The following AZIN1 variants were observed in gnomAD, a reference collection of about 807,000 sequenced individuals.
AZIN1 encodes ornithine decarboxylase antizyme inhibitor.
A neutral mutation model predicts 47.4 loss-of-function variants in AZIN1; 12 were observed. The ratio of observed to expected loss-of-function variants is 0.25; its 90% CI spans 0.16 to 0.41. AZIN1 has a LOEUF of 0.41. Among genes scored for constraint, AZIN1 ranks in the 10% least tolerant of loss-of-function variants. The pLI, the probability that AZIN1 is intolerant of heterozygous loss-of-function variation, is 1.00. For synonymous variants in AZIN1, 155 were observed against 176.3 expected (o/e 0.88, Z 0.96); for missense variants, 410 against 532.4 (o/e 0.77, Z 2.26).
In AZIN1 at chr8:102,841,261, T is replaced by G. The variant is rs1812160405; in HGVS notation, c.103-1438A>C. On this transcript the variant is annotated intron_variant, in intron 3 of 11. Transcript: ENST00000337198. Reference sequence around the variant, plus strand: ...GATGTTATGAAGGCAAGACCAAGGTTAAATAAGAGAGGACAAACAAAAGGT... The same window carrying G: ...GATGTTATGAAGGCAAGACCAAGGTGAAATAAGAGAGGACAAACAAAAGGT... Among the ~76,000 whole-genome samples, 8 of 152,140 alleles carry G rather than the reference T, an allele frequency of 5.3e-5. No individual in the cohort carries two copies. The South Asian group carries it at 1.7e-3, about 32-fold the overall frequency.
At chr8:102,852,159 C>A (rs1005399341) in intron 2 of AZIN1, among the ~76,000 whole-genome samples, 4 of 152,144 alleles carry the variant, frequency 2.6e-5, no homozygotes, top group Admixed American at 2.6e-4. Flanking sequence ...ATAACATGTT[C>A]ATGCTGAACC....
chr8:102,839,837 A>C lies in AZIN1; in HGVS notation c.103-14T>G. On this transcript the variant is annotated splice_polypyrimidine_tract_variant and intron_variant, in intron 3 of 11. Coordinates refer to ENST00000337198, the MANE Select transcript of AZIN1 (RefSeq NM_148174.4). ...ATTTTTCCCTGTCTATTATGGTTAT[A>C]AAAAAAAAGACAAATATGAACAAAA... is the stretch of plus-strand genomic sequence containing the variant. 1 of 789,976 alleles carries C rather than the reference A, an allele frequency of 1.3e-6. No individual in the cohort carries two copies. Among genetic ancestry groups the C allele is most frequent in the Non-Finnish European group, 1.7e-6 (1 of 595,978 alleles). The allele number at this position is 789,976 out of a possible 1,614,324, so 48.9% of individuals were successfully genotyped here.
chr8:102,829,025 T>C (rs1296048788), intron 11 of AZIN1, among the ~76,000 whole-genome samples: 1 of 152,244 alleles, frequency 6.6e-6, no homozygotes, highest in Non-Finnish European at 1.5e-5. Flanking sequence ...CAGAGTAACA[T>C]GCTGTACAGG....
At chr8:102,861,953 T>C (rs183507894) in intron 1 of AZIN1, among the ~76,000 whole-genome samples, 2,339 of 151,998 alleles carry the variant, frequency 0.015, 42 homozygotes, top group South Asian at 0.035. Flanking sequence ...GGAGAATCGC[T>C]TGAACCTGGG....
Position 102,834,347 on chromosome 8 carries a change from T to A in AZIN1, c.667-84A>T, listed in dbSNP as rs886110595. 6.3e-6 allele frequency: 7 copies of A among 1,115,568 alleles called. No homozygotes were observed. The African/African-American group carries it at 9.3e-5, about 15-fold the overall frequency. The allele number at this position is 1,115,568 out of a possible 1,614,324, so 69.1% of individuals were successfully genotyped here. A position where few individuals can be genotyped will look rare whatever the true frequency, so the allele number is the denominator to read the frequency against. On this transcript the variant is annotated intron_variant, in intron 7 of 11. Coordinates refer to ENST00000337198, the MANE Select transcript of AZIN1 (RefSeq NM_148174.4). The stretch of plus-strand genomic sequence containing the variant: ...TTTTAAAAACCCCCTCCTAGGGAGG[T>A]AAATATCTGTTCTGATCTTTAGTAC...
At chr8:102,841,632 A>G (rs1319670486) in intron 3 of AZIN1, among the ~76,000 whole-genome samples, 1 of 152,002 alleles carries the variant, frequency 6.6e-6, no homozygotes, top group Non-Finnish European at 1.5e-5. Context: ...TGCTAGGATG[A>G]GGGGAAGATG....
chr8:102,842,802 A>G (rs1812295974), intron 3 of AZIN1, among the ~76,000 whole-genome samples: 1 of 151,614 alleles, frequency 6.6e-6, no homozygotes. Context: ...AGGCTGAGGC[A>G]TAAGGATCCT....
chr8:102,829,208 C>T lies in AZIN1; in HGVS notation c.1235+64G>A, dbSNP rs945803753. 12 of 1,387,350 alleles carry T rather than the reference C, an allele frequency of 8.6e-6. No homozygotes were observed. The Admixed American group carries it at 2.3e-4, about 27-fold the overall frequency. 85.9% of individuals were successfully genotyped at this position (1,387,350 alleles called of 1,614,324 possible). On this transcript the variant is annotated intron_variant, in intron 11 of 11. Transcript: ENST00000337198. ...TTTAGCATTCATTACAGAATTAAAACTTATTAGCAAGTCTAAAAGGACAGT... is the reference window on the plus strand; with the variant it reads ...TTTAGCATTCATTACAGAATTAAAATTTATTAGCAAGTCTAAAAGGACAGT...
chr8:102,830,040 GAC>G, intron 9 of AZIN1, 104 bp from the exon 10 acceptor site: 1 of 777,256 alleles, frequency 1.3e-6, no homozygotes. Context: ...AACTTAAAAA[GAC>G]ACATAGAGCA....
intron 1 of AZIN1, among the ~76,000 whole-genome samples, chr8:102,861,353 G>A (rs1404826709): frequency 2.0e-5 from 3 of 151,534 alleles, no homozygotes; most frequent in Non-Finnish European, 4.4e-5. Context: ...TCAGCCTCCC[G>A]AGGAGCTGGG....
intron 2 of AZIN1, among the ~76,000 whole-genome samples, chr8:102,857,067 G>T (rs931296905): frequency 6.6e-6 from 1 of 152,202 alleles, no homozygotes; most frequent in Non-Finnish European, 1.5e-5. Context: ...TACACAGGTA[G>T]GAGAAAGCCA....
chr8:102,829,695 C>G, intron 10 of AZIN1, 126 bp downstream of exon 10: 1 of 865,666 alleles, frequency 1.2e-6, no homozygotes, highest in Non-Finnish European at 1.8e-6. Flanking sequence ...CAGAAGAACG[C>G]AAATCCTCAA....
chr8:102,848,662 A>G (rs950220445), intron 2 of AZIN1, among the ~76,000 whole-genome samples: 1 of 152,194 alleles, frequency 6.6e-6, no homozygotes, highest in South Asian at 2.1e-4. Flanking sequence ...TGAGTCTTTC[A>G]TATGTTGTGC....
At chr8:102,856,084 G>C (rs1813265989) in intron 2 of AZIN1, 1 of 134,078 alleles carries the variant, frequency 7.5e-6, no homozygotes, top group South Asian at 2.2e-4. Flanking sequence ...TCCAGGTCAA[G>C]TTTTTTTTGT....
chr8:102,829,780 TA>T (rs1422747088), intron 10 of AZIN1, 40 bp downstream of exon 10: 1 of 1,443,662 alleles, frequency 6.9e-7, no homozygotes, highest in Non-Finnish European at 9.7e-7. Flanking sequence ...GCTCAGCTTA[TA>T]AAATGCCAAA....
Position 102,864,156 on chromosome 8 carries a change from G to GA in AZIN1, c.-584dup, listed in dbSNP as rs1445900572. 1 of 181,432 alleles carries GA rather than the reference G, an allele frequency of 5.5e-6. No individual in the cohort carries two copies. Among genetic ancestry groups the GA allele is most frequent in the Non-Finnish European group, 1.1e-5 (1 of 87,090 alleles). 11.2% of individuals were successfully genotyped at this position (181,432 alleles called of 1,614,324 possible). A position where few individuals can be genotyped will look rare whatever the true frequency, so the allele number is the denominator to read the frequency against. ...AAAACTGCGGCCGCGATCAGAGCCTGAAAGTGTGAGAAGGCGGCGCCAGCG... is the reference window on the plus strand; with the variant it reads ...AAAACTGCGGCCGCGATCAGAGCCTGAAAAGTGTGAGAAGGCGGCGCCAGCG... On this transcript the variant is annotated 5_prime_UTR_variant, in exon 1 of 12. Transcript: ENST00000337198.
Position 102,849,156 on chromosome 8 carries a change from G to A in AZIN1, c.-95-5409C>T, listed in dbSNP as rs1812770338. Among the ~76,000 whole-genome samples, 3 of 152,094 alleles carry A rather than the reference G, an allele frequency of 2.0e-5. No individual in the cohort carries two copies. In the South Asian group the frequency reaches 6.2e-4, roughly 32 times the overall value. On this transcript the variant is annotated intron_variant, in intron 2 of 11. Transcript: ENST00000337198. ...AAAAATATAAAAATTAGCTGGGTGT[G>A]GTGGTGCACACCTGTAGTCCCAGGT...
At chr8:102,858,465 C>G (rs748435431) in intron 1 of AZIN1, among the ~76,000 whole-genome samples, 19 of 152,144 alleles carry the variant, frequency 1.2e-4, no homozygotes, top group Non-Finnish European at 2.2e-4. Flanking sequence ...TATTTGTCCT[C>G]TAAAATTCCA....
intron 11 of AZIN1, 131 bp downstream of exon 11, chr8:102,829,141 A>G (rs1811279366): frequency 2.6e-6 from 2 of 770,712 alleles, no homozygotes; most frequent in East Asian, 2.6e-5. Context: ...CCCATCATTA[A>G]GTAACTACAC....
Sources: allele counts gnomAD v4.1 joint callset (sites outside exome capture counted in the v4.1 genomes callset), GRCh38; gene constraint gnomAD v4.1.1; transcripts MANE v1.5; gene names NCBI Gene and HGNC (gene_info 2026-07-23, HGNC 2026-07-21).